ARB2A: variants seen among roughly 807,000 people sequenced by gnomAD.
ARB2A encodes ARB2 cotranscriptional regulator A.
At chr5:93,823,272 A>C in the ARB2A span, among the ~76,000 whole-genome samples, 3 of 152,168 alleles carry the variant, frequency 2.0e-5, no homozygotes, top group African/African-American at 4.8e-5. Context: ...GTGATATTGT[A>C]ATATTGCATC....
the ARB2A span, among the ~76,000 whole-genome samples, chr5:94,069,864 T>G: frequency 6.6e-6 from 1 of 152,136 alleles, no homozygotes; most frequent in African/African-American, 2.4e-5. Context: ...ATAACCTCCA[T>G]GGAAAACAGT....
chr5:93,629,683 A>C, the ARB2A span, among the ~76,000 whole-genome samples: 1 of 152,134 alleles, frequency 6.6e-6, no homozygotes, highest in African/African-American at 2.4e-5. Context: ...CCTGCCCCCC[A>C]CAAAATAATA....
the ARB2A span, among the ~76,000 whole-genome samples, chr5:93,687,687 G>A: frequency 2.6e-5 from 4 of 152,156 alleles, no homozygotes; most frequent in South Asian, 2.1e-4. Context: ...ATGTGCATAT[G>A]AGTCTGTTTA....
the ARB2A span, among the ~76,000 whole-genome samples, chr5:93,722,825 A>G: frequency 1.3e-5 from 2 of 152,110 alleles, no homozygotes; most frequent in Admixed American, 1.3e-4. Flanking sequence ...AATTTGAAGA[A>G]GTAGCCCATA....
At chr5:93,818,640 T>G in the ARB2A span, among the ~76,000 whole-genome samples, 4 of 152,176 alleles carry the variant, frequency 2.6e-5, no homozygotes, top group African/African-American at 9.6e-5. Flanking sequence ...TTAGTTATAT[T>G]ATAATTTAGT....
At chr5:93,905,213 G>A in the ARB2A span, among the ~76,000 whole-genome samples, 39 of 151,594 alleles carry the variant, frequency 2.6e-4, no homozygotes, top group Admixed American at 1.3e-3. Context: ...TTGTGTGTGT[G>A]TATGTATTAC....
At chr5:94,078,034 G>A in the ARB2A span, among the ~76,000 whole-genome samples, 3 of 152,038 alleles carry the variant, frequency 2.0e-5, no homozygotes, top group African/African-American at 4.8e-5. Flanking sequence ...TATTTGCCCC[G>A]TTGGCACAAA....
the ARB2A span, among the ~76,000 whole-genome samples, chr5:93,791,089 C>A: frequency 6.6e-6 from 1 of 152,118 alleles, no homozygotes; most frequent in Non-Finnish European, 1.5e-5. Context: ...TGATAGGATA[C>A]CAGTTTTGAA....
chr5:93,960,428 T>C, the ARB2A span, among the ~76,000 whole-genome samples: 1 of 152,206 alleles, frequency 6.6e-6, no homozygotes. Context: ...ACATATTGTA[T>C]GCTTTACTCT....
the ARB2A span, among the ~76,000 whole-genome samples, chr5:94,107,732 G>A: frequency 6.6e-6 from 1 of 151,960 alleles, no homozygotes; most frequent in African/African-American, 2.4e-5. Flanking sequence ...GAACAACTTC[G>A]CTTACTCCTA....
chr5:94,067,923 T>C, the ARB2A span, among the ~76,000 whole-genome samples: 1 of 152,194 alleles, frequency 6.6e-6, no homozygotes, highest in Admixed American at 6.5e-5. Context: ...TCGAAATACA[T>C]TACAAAGTTA....
the ARB2A span, among the ~76,000 whole-genome samples, chr5:93,827,479 G>A: frequency 2.0e-5 from 3 of 152,102 alleles, no homozygotes; most frequent in South Asian, 2.1e-4. Context: ...GGAGTTCATT[G>A]TAGATTCTGG....
chr5:93,961,567 C>T, the ARB2A span, among the ~76,000 whole-genome samples: 1 of 151,970 alleles, frequency 6.6e-6, no homozygotes, highest in Non-Finnish European at 1.5e-5. Flanking sequence ...ACCTGTAGTC[C>T]CAGCTACTTG....
the ARB2A span, among the ~76,000 whole-genome samples, chr5:93,710,057 T>C: frequency 3.3e-5 from 5 of 152,176 alleles, no homozygotes; most frequent in African/African-American, 1.2e-4. Flanking sequence ...CATTTTCCAG[T>C]AAAACACATT....
the ARB2A span, among the ~76,000 whole-genome samples, chr5:93,965,412 A>G: frequency 6.6e-6 from 1 of 152,026 alleles, no homozygotes; most frequent in Non-Finnish European, 1.5e-5. Context: ...GATCCTAAAA[A>G]CAGCTTGTTC....
At chr5:93,818,538 A>G in the ARB2A span, among the ~76,000 whole-genome samples, 1 of 152,224 alleles carries the variant, frequency 6.6e-6, no homozygotes, top group Non-Finnish European at 1.5e-5. Flanking sequence ...TAAAAGGTGA[A>G]GCTGAACCGA....
At chr5:93,947,570 G>A in the ARB2A span, among the ~76,000 whole-genome samples, 1 of 150,818 alleles carries the variant, frequency 6.6e-6, no homozygotes, top group Non-Finnish European at 1.5e-5. Flanking sequence ...CAATGTGCAG[G>A]TTAGTTACGT....
At chr5:93,634,304 G>A in the ARB2A span, among the ~76,000 whole-genome samples, 8 of 151,860 alleles carry the variant, frequency 5.3e-5, no homozygotes, top group South Asian at 6.2e-4. Context: ...GGAGGCTGAG[G>A]GGGGAGAATC....
the ARB2A span, among the ~76,000 whole-genome samples, chr5:94,064,254 A>G: frequency 0.015 from 2,267 of 152,304 alleles, 21 homozygotes; most frequent in Non-Finnish European, 0.023. Context: ...AAGCAGACCA[A>G]TGCATTTCAG....
Sources: gnomAD v4.1 joint callset for allele counts (sites outside exome capture counted in the v4.1 genomes callset) on GRCh38, gnomAD v4.1.1 for gene constraint, MANE v1.5 for transcripts, NCBI Gene and HGNC (gene_info 2026-07-23, HGNC 2026-07-21) for gene names.